KDM8: variants seen among roughly 807,000 people sequenced by gnomAD.
KDM8 encodes the protein bifunctional peptidase and arginyl-hydroxylase JMJD5.
In KDM8, 35 loss-of-function variants were observed where a neutral mutation model predicts 46.9. The ratio of observed to expected loss-of-function variants is 0.75; its 90% CI spans 0.57 to 0.99. The LOEUF is 0.99. Among genes scored for constraint, KDM8 ranks in the 50% least tolerant of loss-of-function variants. KDM8 has a pLI of 0.00. For synonymous variants in KDM8, 232 were observed against 227.7 expected, an observed-to-expected ratio of 1.02 and a Z score of -0.17; for missense variants, 475 against 537.0, an observed-to-expected ratio of 0.88 and a Z score of 1.14.
chr16:27,206,552 G>A (rs1338712954), intron 1 of KDM8, among the ~76,000 whole-genome samples: 5 of 152,348 alleles, frequency 3.3e-5, no homozygotes, highest in East Asian at 3.9e-4. Flanking sequence ...GATGACAGGC[G>A]TGAGCGATGC....
chr16:27,204,353 GGA>G lies in KDM8; in HGVS notation c.-32+718_-32+719del, dbSNP rs1043139017. The G allele has an allele frequency of 1.8e-5, 24 of 1,348,492 alleles. No individual in the cohort carries two copies. In the African/African-American group the frequency reaches 2.6e-4, roughly 15 times the overall value. 83.5% of individuals were successfully genotyped at this position (1,348,492 alleles called of 1,614,324 possible). A position where few individuals can be genotyped will look rare whatever the true frequency, so the allele number is the denominator to read the frequency against. On this transcript the variant is annotated intron_variant, in intron 1 of 7. Coordinates refer to ENST00000286096, the MANE Select transcript of KDM8 (RefSeq NM_024773.3). ...AGGTGCGCAGGCGTTGGGGCCACAC[GGA>G]CGACCCAAACACAAGACTGTGTGCC...
intron 5 of KDM8, among the ~76,000 whole-genome samples, chr16:27,217,302 C>A (rs1489295433): frequency 6.6e-6 from 1 of 152,168 alleles, no homozygotes; most frequent in East Asian, 1.9e-4. Context: ...TTTAAGCCTG[C>A]CTCAGTTATT....
Position 27,215,952 on chromosome 16 carries a change from A to T in KDM8, c.806A>T (p.Asp269Val). The T allele has an allele frequency of 6.2e-7, 1 of 1,613,968 alleles. No individual in the cohort carries two copies. The highest frequency in any genetic ancestry group is 8.5e-7 in the Non-Finnish European group (1 of 1,179,986). Residue 269 changes from aspartate (D) to valine (V), a missense_variant, in exon 5 of 8, where the codon GAC becomes GTC. Physicochemically the swap from Asp to Val is radical, Grantham distance 152. Coordinates refer to ENST00000286096, the MANE Select transcript of KDM8 (RefSeq NM_024773.3). ...ISKYIVNEPR[D>V]VGYLAQHQLF... ...TTTTCCCCGGTGGATTAGCCAAGGG[A>T]CGTCGGGTACCTTGCTCAGCACCAG...
At chr16:27,206,879 A>T (rs562176944) in intron 1 of KDM8, among the ~76,000 whole-genome samples, 243 of 152,314 alleles carry the variant, frequency 1.6e-3, no homozygotes, top group Non-Finnish European at 2.6e-3. Flanking sequence ...AGATTGTTTC[A>T]TACAGCCAGC....
At chr16:27,205,792 C>T (rs1421020668) in intron 1 of KDM8, among the ~76,000 whole-genome samples, 1 of 152,094 alleles carries the variant, frequency 6.6e-6, no homozygotes, top group Admixed American at 6.5e-5. Flanking sequence ...GAGGCGGGAT[C>T]GCACCATTGC....
rs375903292 is a variant in KDM8, at chr16:27,220,682, C to A, written c.1203C>A (p.Tyr401Ter). 1 of 1,614,166 alleles carries A rather than the reference C, an allele frequency of 6.2e-7. No individual in the cohort carries two copies. Among genetic ancestry groups the A allele is most frequent in the South Asian group, 1.1e-5 (1 of 91,074 alleles). Residue 401 changes from tyrosine (Y) to a stop codon, truncating the protein, a stop_gained, in exon 8 of 8, where the codon TAC becomes TAA. Transcript: ENST00000286096. LOFTEE classifies it high-confidence loss of function. ...TCATCCCGGTGAAATACTGGCATTA[C>A]GTGCGGGCTCTGGATTTGAGCTTCT... is the stretch of plus-strand genomic sequence containing the variant. The part of the protein sequence containing the change: ...ILFIPVKYWH[Y>*]VRALDLSFSV...
At chr16:27,206,926 T>C (rs1046628003) in intron 1 of KDM8, among the ~76,000 whole-genome samples, 3 of 152,244 alleles carry the variant, frequency 2.0e-5, no homozygotes, top group African/African-American at 7.2e-5. Flanking sequence ...AGACTCCTTC[T>C]GTAAGGCCAT....
At position 27,221,008 on chromosome 16, in the gene KDM8, T is replaced by C; in HGVS notation, c.*278T>C. ...AGACAGACAGCCTGCATGGGGACTC[T>C]GGCATCAGAAAGCCGAATGTTTTTG... On this transcript the variant is annotated 3_prime_UTR_variant, in exon 8 of 8. Coordinates refer to ENST00000286096, the MANE Select transcript of KDM8 (RefSeq NM_024773.3). The C allele has an allele frequency of 2.0e-6, 1 of 495,638 alleles. No individual in the cohort carries two copies. 30.7% of individuals were successfully genotyped at this position (495,638 alleles called of 1,614,324 possible). A position where few individuals can be genotyped will look rare whatever the true frequency, so the allele number is the denominator to read the frequency against.
intron 1 of KDM8, among the ~76,000 whole-genome samples, chr16:27,209,555 C>CG (rs1179327481): frequency 1.3e-5 from 2 of 152,226 alleles, no homozygotes; most frequent in African/African-American, 2.4e-5. Flanking sequence ...GCCTGGCACT[C>CG]CTGAGTGACT....
Position 27,220,671 on chromosome 16 carries a change from T to TA in KDM8, c.1193dup (p.Tyr398Ter), listed in dbSNP as rs767438027. 2 of 1,614,102 alleles carry TA rather than the reference T, an allele frequency of 1.2e-6. No individual in the cohort carries two copies. Among genetic ancestry groups the TA allele is most frequent in the South Asian group, 2.2e-5 (2 of 91,076 alleles). The change falls in exon 8 of 8, where the codon TAC becomes TAAC. Residue 398 changes from tyrosine (Y) to a stop codon, truncating the protein, a stop_gained and frameshift_variant. Coordinates refer to ENST00000286096, the MANE Select transcript of KDM8 (RefSeq NM_024773.3). LOFTEE classifies it high-confidence loss of function. ...PGEILFIPVK[Y>*]WHYVRALDLS... Reference sequence around the variant, plus strand: ...AGAGATCCTGTTCATCCCGGTGAAATACTGGCATTACGTGCGGGCTCTGGA... The same window carrying TA: ...AGAGATCCTGTTCATCCCGGTGAAATAACTGGCATTACGTGCGGGCTCTGGA...
intron 2 of KDM8, among the ~76,000 whole-genome samples, chr16:27,212,541 C>T (rs2140968443): frequency 6.6e-6 from 1 of 152,326 alleles, no homozygotes; most frequent in Middle Eastern, 3.4e-3. Context: ...CGAGACCAGC[C>T]TGGCCCACAT....
At chr16:27,209,761 C>T (rs923043420) in intron 1 of KDM8, among the ~76,000 whole-genome samples, 2 of 152,192 alleles carry the variant, frequency 1.3e-5, no homozygotes, top group Non-Finnish European at 2.9e-5. Context: ...CTTGGCAGGC[C>T]TCACATAGGG....
chr16:27,206,592 A>C (rs1190819826), intron 1 of KDM8, among the ~76,000 whole-genome samples: 2 of 152,206 alleles, frequency 1.3e-5, no homozygotes, highest in Non-Finnish European at 2.9e-5. Flanking sequence ...CTTTATAAAC[A>C]GCAATTCAGT....
At chr16:27,206,344 C>G (rs1428215071) in intron 1 of KDM8, 2 of 300,184 alleles carry the variant, frequency 6.7e-6, no homozygotes, top group Non-Finnish European at 9.8e-6. Flanking sequence ...TAGATCTCAG[C>G]TCACCCCAAC....
rs939103254 is a variant in KDM8 at position 27,220,687 on chromosome 16, G to A, written c.1208G>A (p.Arg403Gln). 4 of 1,614,170 alleles carry A rather than the reference G, an allele frequency of 2.5e-6. No homozygotes were observed. The highest frequency in any genetic ancestry group is 2.2e-5 in the East Asian group (1 of 44,878). Residue 403 changes from arginine (R) to glutamine (Q), a missense_variant, in exon 8 of 8, where the codon CGG becomes CAG. Transcript: ENST00000286096. ...FIPVKYWHYV[R>Q]ALDLSFSVSF... ...CCGGTGAAATACTGGCATTACGTGC[G>A]GGCTCTGGATTTGAGCTTCTCGGTC...
chr16:27,220,352 G>T (rs750606656), intron 6 of KDM8, 41 bp from the exon 7 acceptor site: 2 of 1,573,098 alleles, frequency 1.3e-6, no homozygotes, highest in South Asian at 2.2e-5. Flanking sequence ...GGCAGCAGTG[G>T]AGTGAGGCCA....
At position 27,210,266 on chromosome 16, in the gene KDM8, T is replaced by C; in HGVS notation, c.143T>C (p.Leu48Ser). The change falls in exon 2 of 8, where the codon TTG becomes TCG. Residue 48 changes from leucine to serine, a missense_variant. Transcript: ENST00000286096. ...GEKVERSVVTLLQRATELFYE... is the reference protein window; with the variant it reads ...GEKVERSVVTSLQRATELFYE... ...AAAGTGGAGAGGAGCGTGGTGACAT[T>C]GTTGCAGCGAGCCACTGAGCTCTTC... The C allele has an allele frequency of 6.2e-7, 1 of 1,613,166 alleles. No individual in the cohort carries two copies.
chr16:27,212,156 C>A (rs1333192885), intron 2 of KDM8, among the ~76,000 whole-genome samples: 1 of 152,200 alleles, frequency 6.6e-6, no homozygotes, highest in South Asian at 2.1e-4. Context: ...AATCCAGGAA[C>A]CTGAACAGAC....
At chr16:27,213,507 C>T in intron 2 of KDM8, 78 bp from the exon 3 acceptor site, 1 of 1,496,094 alleles carries the variant, frequency 6.7e-7, no homozygotes, top group Non-Finnish European at 9.2e-7. Context: ...CTACCCCTGA[C>T]ACAGGTTCCT....
Sources: allele counts gnomAD v4.1 joint callset (sites outside exome capture counted in the v4.1 genomes callset), GRCh38; gene constraint gnomAD v4.1.1; transcripts MANE v1.5; gene names NCBI Gene and HGNC (gene_info 2026-07-23, HGNC 2026-07-21).